Variants in LIG1 observed in about 807,000 individuals in gnomAD.
LIG1 encodes the protein ligase I, DNA, ATP-dependent.
In LIG1, 70 loss-of-function variants were observed where a neutral mutation model predicts 115.7. That is an observed-to-expected ratio of 0.60 (90% CI 0.50 to 0.74). The LOEUF (loss-of-function observed/expected upper bound fraction) is 0.74, where lower values mean the gene tolerates loss of function less well. Ranked by LOEUF, LIG1 falls within the 30% of genes least tolerant of loss-of-function variation. The pLI, the probability that LIG1 is intolerant of heterozygous loss-of-function variation, is 0.00. For synonymous variants in LIG1, 487 were observed against 495.3 expected, an observed-to-expected ratio of 0.98 and a Z score of 0.22; for missense variants, 1,115 against 1,225.6, an observed-to-expected ratio of 0.91 and a Z score of 1.35.
At chr19:48,164,993 G>A (rs1005035385) in intron 2 of LIG1, among the ~76,000 whole-genome samples, 5 of 152,252 alleles carry the variant, frequency 3.3e-5, no homozygotes, top group African/African-American at 7.2e-5. Context: ...GGGCGCCGTG[G>A]CTCACGCCTG....
At chr19:48,116,745 C>T (rs1477281909) in intron 26 of LIG1, among the ~76,000 whole-genome samples, 1 of 152,196 alleles carries the variant, frequency 6.6e-6, no homozygotes, top group Non-Finnish European at 1.5e-5. Flanking sequence ...GCCCACTGCA[C>T]AGCAAGGGCT....
At chr19:48,127,190 G>A (rs1447500173) in intron 21 of LIG1, 87 bp downstream of exon 21, 13 of 1,089,668 alleles carry the variant, frequency 1.2e-5, no homozygotes, top group Admixed American at 1.2e-4. Context: ...TGGCAGAGTC[G>A]GAAATGGAAG....
chr19:48,137,543 G>A lies in LIG1; in HGVS notation c.1233C>T (p.Ile411=). Reference sequence around the variant, plus strand: ...TCACAGCACTGCCAGTGAGCCTGGCGATGTCGCGGAACTTGCTGAAGACCC... The same window carrying A: ...TCACAGCACTGCCAGTGAGCCTGGCAATGTCGCGGAACTTGCTGAAGACCC... ...ASGVFSKFRD[I]ARLTGSASTA... is the part of the protein sequence containing the mutation. Residue 411 remains isoleucine, a synonymous_variant, in exon 13 of 28, where the codon ATC becomes ATT. Transcript: ENST00000263274. This position sits in a 1 kb window ranked among gnomAD's most constrained non-coding sequence, Gnocchi z 4.3. 1.2e-6 allele frequency: 2 copies of A among 1,613,118 alleles called. No individual in the cohort carries two copies. The highest frequency in any genetic ancestry group is 8.5e-7 in the Non-Finnish European group (1 of 1,180,010).
chr19:48,140,231 T>C, intron 11 of LIG1, 88 bp from the exon 12 acceptor site: 1 of 839,776 alleles, frequency 1.2e-6, no homozygotes, highest in South Asian at 1.5e-5. Flanking sequence ...GGGTGGACAC[T>C]AGAAAGAAAT....
At chr19:48,127,823 T>TG in intron 20 of LIG1, 87 bp downstream of exon 20, 1 of 1,086,650 alleles carries the variant, frequency 9.2e-7, no homozygotes, top group Non-Finnish European at 1.4e-6. Flanking sequence ...TCTGCCCTTC[T>TG]GGGCACTGGG....
chr19:48,140,993 C>G (rs1030793877), intron 11 of LIG1, among the ~76,000 whole-genome samples: 7 of 152,228 alleles, frequency 4.6e-5, no homozygotes, highest in African/African-American at 1.7e-4. Context: ...TCTGTCTAGG[C>G]AGCGGGCAAG....
intron 19 of LIG1, among the ~76,000 whole-genome samples, chr19:48,129,350 C>T (rs1341815832): frequency 6.6e-6 from 1 of 152,188 alleles, no homozygotes; most frequent in African/African-American, 2.4e-5. Flanking sequence ...ACCGGCCAGG[C>T]CTGTTTGTTA....
At chr19:48,134,638 A>T (rs1186574859) in intron 16 of LIG1, among the ~76,000 whole-genome samples, 2 of 152,270 alleles carry the variant, frequency 1.3e-5, no homozygotes, top group African/African-American at 4.8e-5. Flanking sequence ...AGCCTGGATG[A>T]CAGGGCGAGA....
chr19:48,139,747 C>T (rs954402569), intron 12 of LIG1, among the ~76,000 whole-genome samples: 2 of 152,136 alleles, frequency 1.3e-5, no homozygotes, highest in Non-Finnish European at 2.9e-5. Context: ...ACCCCACACC[C>T]CCTGTCCCAG....
intron 5 of LIG1, among the ~76,000 whole-genome samples, chr19:48,155,856 G>A (rs2035798805): frequency 6.6e-6 from 1 of 152,162 alleles, no homozygotes; most frequent in Non-Finnish European, 1.5e-5. Context: ...CCAAAATGAT[G>A]TGGAAAAAGT....
At chr19:48,117,875 A>T in intron 25 of LIG1, 94 bp from the exon 26 acceptor site, 2 of 1,337,588 alleles carry the variant, frequency 1.5e-6, no homozygotes, top group South Asian at 1.2e-5. Context: ...GAAGGGAAAA[A>T]AACAGGCACC....
chr19:48,170,304 C>G lies in LIG1; in HGVS notation c.-121G>C, dbSNP rs1395839352. 2.2e-6 allele frequency: 1 copy of G among 452,174 alleles called. No homozygotes were observed. Among genetic ancestry groups the G allele is most frequent in the Non-Finnish European group, 4.4e-6 (1 of 224,974 alleles). 28.0% of individuals were successfully genotyped at this position (452,174 alleles called of 1,614,324 possible). ...CTCAGATCCGCCAGGCGCGCCTCTGCAGTCCCAAGTTCGCGCCACGGCATT... is the reference window on the plus strand; with the variant it reads ...CTCAGATCCGCCAGGCGCGCCTCTGGAGTCCCAAGTTCGCGCCACGGCATT... On this transcript the variant is annotated 5_prime_UTR_variant, in exon 1 of 28. Transcript: ENST00000263274.
chr19:48,148,930 C>G (rs2035301693), intron 9 of LIG1, among the ~76,000 whole-genome samples: 1 of 152,168 alleles, frequency 6.6e-6, no homozygotes. Context: ...TCCTCGTGGG[C>G]CGCCCAGGGC....
At chr19:48,150,897 C>T (rs2035429726) in intron 7 of LIG1, among the ~76,000 whole-genome samples, 1 of 151,618 alleles carries the variant, frequency 6.6e-6, no homozygotes, top group Non-Finnish European at 1.5e-5. Context: ...AATGGGGTTT[C>T]GCCATGTTGC....
intron 22 of LIG1, 27 bp downstream of exon 22, chr19:48,123,147 T>C (rs1414780924): frequency 5.0e-6 from 8 of 1,613,872 alleles, no homozygotes; most frequent in Non-Finnish European, 6.8e-6. Flanking sequence ...GCTGCAGACC[T>C]CAGGAGAGAA....
intron 9 of LIG1, among the ~76,000 whole-genome samples, chr19:48,144,964 T>G (rs1175275257): frequency 6.6e-6 from 1 of 152,000 alleles, no homozygotes; most frequent in African/African-American, 2.4e-5. Flanking sequence ...CAGGCTAGAG[T>G]GCAGTGGAGC....
At chr19:48,125,523 A>C (rs1258384270) in intron 21 of LIG1, among the ~76,000 whole-genome samples, 1 of 152,224 alleles carries the variant, frequency 6.6e-6, no homozygotes, top group Non-Finnish European at 1.5e-5. Flanking sequence ...TTTACAGACC[A>C]GGAAGACATG....
At chr19:48,133,187 A>C in intron 17 of LIG1, 90 bp from the exon 18 acceptor site, 2 of 868,818 alleles carry the variant, frequency 2.3e-6, no homozygotes, top group Non-Finnish European at 4.0e-6. Context: ...GGGCCCCAGG[A>C]CCATTCTGCT....
chr19:48,120,831 G>A (rs1325557807), intron 24 of LIG1: 2 of 684,326 alleles, frequency 2.9e-6, no homozygotes, highest in Non-Finnish European at 1.9e-6. Context: ...AAAATGTGGG[G>A]AGAGGAGGAA....
Sources: allele counts gnomAD v4.1 joint callset (sites outside exome capture counted in the v4.1 genomes callset), GRCh38; gene constraint gnomAD v4.1.1; non-coding constraint Gnocchi (gnomAD v3.1); transcripts MANE v1.5; gene names NCBI Gene and HGNC (gene_info 2026-07-23, HGNC 2026-07-21).